PHF24: variants seen among roughly 807,000 people sequenced by gnomAD.
PHF24 encodes PHD finger protein 24.
PHF24 carries 25 observed loss-of-function variants against 42.6 expected under a neutral mutation model. The ratio of observed to expected loss-of-function variants is 0.59; its 90% CI spans 0.43 to 0.82. The LOEUF (loss-of-function observed/expected upper bound fraction) is 0.82, where lower values mean the gene tolerates loss of function less well. Among genes scored for constraint, PHF24 ranks in the 40% least tolerant of loss-of-function variants. The pLI is 0.00. For synonymous variants in PHF24, 185 were observed against 204.8 expected, an observed-to-expected ratio of 0.90 and a Z score of 0.83; for missense variants, 470 against 538.1, an observed-to-expected ratio of 0.87 and a Z score of 1.25.
the PHF24 span, among the ~76,000 whole-genome samples, chr9:34,810,286 T>G: frequency 6.6e-6 from 1 of 152,136 alleles, no homozygotes; most frequent in Non-Finnish European, 1.5e-5. Context: ...CCCGTGTCAC[T>G]GGATGAACCC....
the PHF24 span, among the ~76,000 whole-genome samples, chr9:34,675,077 C>G: frequency 5.9e-5 from 9 of 152,158 alleles, no homozygotes; most frequent in Non-Finnish European, 1.0e-4. Flanking sequence ...AGGCTGGTGT[C>G]AAACTCCCGG....
At chr9:34,789,867 G>C in the PHF24 span, among the ~76,000 whole-genome samples, 2 of 152,182 alleles carry the variant, frequency 1.3e-5, no homozygotes, top group African/African-American at 4.8e-5. Context: ...TTTTGTGACA[G>C]ACAGGGTCTC....
At chr9:34,874,462 G>A in the PHF24 span, among the ~76,000 whole-genome samples, 4 of 152,218 alleles carry the variant, frequency 2.6e-5, no homozygotes, top group South Asian at 8.3e-4. Context: ...TTTCTTATAT[G>A]TACCCCACTG....
At chr9:34,947,904 T>C in the PHF24 span, among the ~76,000 whole-genome samples, 4 of 151,992 alleles carry the variant, frequency 2.6e-5, no homozygotes, top group Non-Finnish European at 5.9e-5. Context: ...GTCAGGAGAT[T>C]GAGACCATCC....
chr9:34,879,461 C>T, the PHF24 span, among the ~76,000 whole-genome samples: 1 of 152,072 alleles, frequency 6.6e-6, no homozygotes, highest in East Asian at 1.9e-4. Context: ...AGCTAAAAAC[C>T]TTGAAAAAAG....
chr9:34,871,766 C>A, the PHF24 span, among the ~76,000 whole-genome samples: 1 of 152,126 alleles, frequency 6.6e-6, no homozygotes, highest in Non-Finnish European at 1.5e-5. Context: ...TGTTCTTCAC[C>A]ACTACCACAC....
the PHF24 span, chr9:34,689,810 G>C: frequency 6.2e-7 from 1 of 1,614,112 alleles, no homozygotes; most frequent in South Asian, 1.1e-5. This position sits in a 1 kb window ranked among gnomAD's most constrained non-coding sequence, Gnocchi z 4.1. Flanking sequence ...CCCTCTGCAC[G>C]GTCATAGGTT....
At chr9:34,802,978 C>T in the PHF24 span, among the ~76,000 whole-genome samples, 2 of 149,246 alleles carry the variant, frequency 1.3e-5, no homozygotes, top group Admixed American at 6.7e-5. Context: ...CAAATCCTTG[C>T]TCCCTCACCT....
At chr9:34,822,095 A>G in the PHF24 span, among the ~76,000 whole-genome samples, 5 of 152,102 alleles carry the variant, frequency 3.3e-5, no homozygotes, top group Non-Finnish European at 5.9e-5. Flanking sequence ...CATTCATTTT[A>G]TGTCTATTTT....
the PHF24 span, among the ~76,000 whole-genome samples, chr9:34,735,895 T>G: frequency 6.6e-6 from 1 of 152,136 alleles, no homozygotes; most frequent in Non-Finnish European, 1.5e-5. Context: ...TAAGGAACTA[T>G]GTTTGATATG....
the PHF24 span, among the ~76,000 whole-genome samples, chr9:34,946,284 G>T: frequency 1.1e-4 from 16 of 152,312 alleles, no homozygotes; most frequent in East Asian, 1.9e-3. Context: ...TCATTGAGAA[G>T]ACAATATCTT....
At chr9:34,685,020 C>T in the PHF24 span, among the ~76,000 whole-genome samples, 1 of 152,122 alleles carries the variant, frequency 6.6e-6, no homozygotes, top group Non-Finnish European at 1.5e-5. Flanking sequence ...CCCTGCCTGC[C>T]CCTGGCCCCT....
At chr9:34,952,831 T>C (rs377110239), upstream of PHF24, among the ~76,000 whole-genome samples, 211 of 152,328 alleles carry the variant, frequency 1.4e-3, 7 homozygotes, top group South Asian at 0.043. Context: ...CCTGTGATCA[T>C]GAACAACTGA....
the PHF24 span, among the ~76,000 whole-genome samples, chr9:34,891,156 A>G: frequency 6.6e-6 from 1 of 152,312 alleles, no homozygotes; most frequent in East Asian, 1.9e-4. Flanking sequence ...CAGTAACAGC[A>G]TCTGGCAAGC....
the PHF24 span, among the ~76,000 whole-genome samples, chr9:34,939,443 C>G: frequency 3.9e-5 from 6 of 152,078 alleles, no homozygotes; most frequent in Non-Finnish European, 7.4e-5. Flanking sequence ...AGGGAGCTGT[C>G]AGAGAGAGAT....
At chr9:34,877,668 C>G in the PHF24 span, among the ~76,000 whole-genome samples, 1 of 151,814 alleles carries the variant, frequency 6.6e-6, no homozygotes, top group Non-Finnish European at 1.5e-5. Context: ...TTTTTTAATG[C>G]TCAGTGATTA....
chr9:34,832,614 C>A, the PHF24 span: 4 of 1,542,614 alleles, frequency 2.6e-6, no homozygotes, highest in African/African-American at 5.5e-5. Flanking sequence ...ATCCTTGTGC[C>A]CTTTGCCTTT....
chr9:34,692,324 C>A, the PHF24 span, among the ~76,000 whole-genome samples: 1 of 152,132 alleles, frequency 6.6e-6, no homozygotes, highest in African/African-American at 2.4e-5. Context: ...ACCACTATTA[C>A]CTTGCTTAAC....
chr9:34,914,945 C>T, the PHF24 span, among the ~76,000 whole-genome samples: 1 of 107,472 alleles, frequency 9.3e-6, no homozygotes, highest in Non-Finnish European at 1.9e-5. Flanking sequence ...GCCACCATGC[C>T]TGGCTAATTT....
Sources: gnomAD v4.1 joint callset for allele counts (sites outside exome capture counted in the v4.1 genomes callset) on GRCh38, gnomAD v4.1.1 for gene constraint, Gnocchi (gnomAD v3.1) non-coding constraint, MANE v1.5 for transcripts, NCBI Gene and HGNC (gene_info 2026-07-23, HGNC 2026-07-21) for gene names.